The following UFD1 variants were observed in gnomAD, a reference collection of about 807,000 sequenced individuals.
The protein encoded by UFD1 is ubiquitin recognition factor in ER associated degradation 1.
A neutral mutation model predicts 45.9 loss-of-function variants in UFD1; 13 were observed. The observed-to-expected ratio is 0.28, with a 90% CI of 0.18 to 0.45. The LOEUF is 0.45. UFD1 is among the 20% of genes least tolerant of loss of function. The pLI, the probability that UFD1 is intolerant of heterozygous loss-of-function variation, is 1.00. For synonymous variants in UFD1, 128 were observed against 139.2 expected, an observed-to-expected ratio of 0.92 and a Z score of 0.56; for missense variants, 218 against 389.2, an observed-to-expected ratio of 0.56 and a Z score of 3.70.
At chr22:19,475,246 C>T in intron 2 of UFD1, 146 bp from the exon 3 acceptor site, 2 of 1,096,676 alleles carry the variant, frequency 1.8e-6, no homozygotes, top group Non-Finnish European at 2.6e-6. Flanking sequence ...CATGAAGAAT[C>T]TTACTTGATG....
At position 19,475,177 on chromosome 22, in the gene UFD1, A is replaced by G. The variant is rs143757913; in HGVS notation, c.137-77T>C. ...ACCAAAGGCAAGATGCAGTTTCTTT[A>G]TATCTAACAAAAAGCCTTAAACTGT... On this transcript the variant is annotated intron_variant, in intron 2 of 11. Coordinates refer to ENST00000263202, the MANE Select transcript of UFD1 (RefSeq NM_005659.7). The G allele has an allele frequency of 7.1e-4, 1,013 of 1,432,828 alleles. 4 individuals are homozygous for G. The African/African-American group carries it at 0.013, about 18-fold the overall frequency. 88.8% of individuals were successfully genotyped at this position (1,432,828 alleles called of 1,614,324 possible).
At chr22:19,465,105 C>T in intron 6 of UFD1, 97 bp downstream of exon 6, 3 of 1,153,668 alleles carry the variant, frequency 2.6e-6, no homozygotes, top group Non-Finnish European at 1.3e-6. Flanking sequence ...GTGATAAGAT[C>T]CAGGCATACG....
chr22:19,475,981 T>G (rs1892114269), intron 1 of UFD1, among the ~76,000 whole-genome samples: 1 of 152,192 alleles, frequency 6.6e-6, no homozygotes, highest in African/African-American at 2.4e-5. Context: ...TGCCAGGCTC[T>G]GATATGAGCA....
Position 19,479,173 on chromosome 22 carries a change from G to GCCGCCGCGCCAAGCCGGTA in UFD1, c.-107_-89dup. On this transcript the variant is annotated 5_prime_UTR_variant, in exon 1 of 12. Transcript: ENST00000263202. Reference sequence around the variant, plus strand: ...CGCTCTCCCAGCCGCCGCTGCCGCTGCCGCCGCGCCAAGCCGGTACGCCCC... The same window carrying GCCGCCGCGCCAAGCCGGTA: ...CGCTCTCCCAGCCGCCGCTGCCGCTGCCGCCGCGCCAAGCCGGTACCGCCGCGCCAAGCCGGTACGCCCC... 1 of 1,571,462 alleles carries GCCGCCGCGCCAAGCCGGTA rather than the reference G, an allele frequency of 6.4e-7. No homozygotes were observed. The highest frequency in any genetic ancestry group is 2.4e-5 in the East Asian group (1 of 41,832).
At chr22:19,473,676 C>T (rs1314927252) in intron 3 of UFD1, among the ~76,000 whole-genome samples, 2 of 152,232 alleles carry the variant, frequency 1.3e-5, no homozygotes, top group African/African-American at 4.8e-5. Flanking sequence ...CAGGGGCTAC[C>T]TCCACCTTGT....
chr22:19,474,559 A>T (rs2089867907), intron 3 of UFD1, among the ~76,000 whole-genome samples: 1 of 152,032 alleles, frequency 6.6e-6, no homozygotes. Context: ...AAAATAAATA[A>T]ATAAATAAAT....
intron 11 of UFD1, chr22:19,453,675 A>G (rs538453845): frequency 1.6e-3 from 1,540 of 985,400 alleles, no homozygotes; most frequent in Non-Finnish European, 1.7e-3. Flanking sequence ...CCAATGCCCA[A>G]TGCTGTTTCA....
In UFD1 at chr22:19,472,307, G is replaced by A. The variant is rs963951676; in HGVS notation, c.170-499C>T. On this transcript the variant is annotated intron_variant, in intron 3 of 11. Coordinates refer to ENST00000263202, the MANE Select transcript of UFD1 (RefSeq NM_005659.7). The stretch of plus-strand genomic sequence containing the variant: ...CAGAGGTGGCAGCCTGAGCAAAGGC[G>A]TGGAAGGGAAGAGGAGCCCAGGCAG... 3.9e-5 allele frequency among the ~76,000 whole-genome samples: 6 copies of A among 152,298 alleles called. No homozygotes were observed. The South Asian group carries it at 6.2e-4, about 16-fold the overall frequency.
chr22:19,462,619 AAGATCGCGCCACTGCACTCCAGCC>A (rs2089775727), intron 6 of UFD1, among the ~76,000 whole-genome samples: 1 of 152,128 alleles, frequency 6.6e-6, no homozygotes, highest in Admixed American at 6.6e-5. Context: ...GCAGTGAGCC[AAGATCGCGCCACTGCACTCCAGCC>A]AGGGTGAGAC....
intron 11 of UFD1, chr22:19,451,163 A>G: frequency 1.0e-6 from 1 of 988,566 alleles, no homozygotes; most frequent in South Asian, 4.6e-5. Context: ...TCATCACCCA[A>G]AAACATTTCA....
At chr22:19,467,673 G>T in intron 5 of UFD1, 200 bp downstream of exon 5, 1 of 776,532 alleles carries the variant, frequency 1.3e-6, no homozygotes, top group Non-Finnish European at 1.9e-6. Context: ...AAGTGACAGA[G>T]GTGGCCCAGA....
intron 1 of UFD1, among the ~76,000 whole-genome samples, chr22:19,477,048 C>A (rs2089887757): frequency 6.8e-6 from 1 of 147,982 alleles, no homozygotes; most frequent in Non-Finnish European, 1.5e-5. Flanking sequence ...AAATTAGGCA[C>A]AGTAAGAGAT....
chr22:19,469,772 C>T (rs2089830434), intron 4 of UFD1: 1 of 445,148 alleles, frequency 2.2e-6, no homozygotes, highest in Non-Finnish European at 4.5e-6. Context: ...ATGCCAGGAG[C>T]TGGAAGGCCA....
chr22:19,477,633 T>C (rs544059440), intron 1 of UFD1, among the ~76,000 whole-genome samples: 10 of 152,260 alleles, frequency 6.6e-5, no homozygotes, highest in African/African-American at 1.2e-4. Context: ...TACTCAACAC[T>C]ATTGAACTAT....
intron 3 of UFD1, 135 bp from the exon 4 acceptor site, chr22:19,471,943 T>C (rs953935839): frequency 6.3e-6 from 8 of 1,266,696 alleles, no homozygotes; most frequent in Non-Finnish European, 8.6e-6. Context: ...AATCCCCCTC[T>C]GTGAGAGCAC....
In UFD1 at chr22:19,479,151, T is replaced by C. The variant is rs1568906761; in HGVS notation, c.-66A>G. The C allele has an allele frequency of 2.6e-5, 41 of 1,582,276 alleles. No homozygotes were observed. The highest frequency in any genetic ancestry group is 2.1e-5 in the Non-Finnish European group (24 of 1,165,936). ...GCAACGAAGAAACCCCGCCGACCGC[T>C]CTCCCAGCCGCCGCTGCCGCTGCCG... is the stretch of plus-strand genomic sequence containing the variant. On this transcript the variant is annotated 5_prime_UTR_variant, in exon 1 of 12. Coordinates refer to ENST00000263202, the MANE Select transcript of UFD1 (RefSeq NM_005659.7).
chr22:19,464,306 C>G (rs1433402619), intron 6 of UFD1, among the ~76,000 whole-genome samples: 1 of 152,224 alleles, frequency 6.6e-6, no homozygotes, highest in South Asian at 2.1e-4. Flanking sequence ...AAAGCCCAGC[C>G]AAGCCAGGCT....
At chr22:19,468,119 G>C in intron 4 of UFD1, 116 bp from the exon 5 acceptor site, 2 of 1,365,836 alleles carry the variant, frequency 1.5e-6, no homozygotes, top group Non-Finnish European at 2.0e-6. Flanking sequence ...AGGAACCTGA[G>C]CCAAGATAAG....
chr22:19,470,614 G>T, intron 4 of UFD1: 2 of 392,802 alleles, frequency 5.1e-6, no homozygotes, highest in Non-Finnish European at 1.0e-5. Flanking sequence ...GCTAGTCTTT[G>T]TATTTTTAGT....
Sources: allele counts gnomAD v4.1 joint callset (sites outside exome capture counted in the v4.1 genomes callset), GRCh38; gene constraint gnomAD v4.1.1; transcripts MANE v1.5; gene names NCBI Gene and HGNC (gene_info 2026-07-23, HGNC 2026-07-21).